ST18: variants seen among roughly 807,000 people sequenced by gnomAD.
ST18 encodes the protein ST18 C2H2C-type zinc finger transcription factor.
In ST18, 50 loss-of-function variants were observed where a neutral mutation model predicts 110.0. The observed-to-expected ratio is 0.45, with a 90% confidence interval of 0.36 to 0.58. The LOEUF (loss-of-function observed/expected upper bound fraction) is 0.58. Ranked by LOEUF, ST18 falls within the 20% of genes least tolerant of loss-of-function variation. The pLI, the probability that ST18 is intolerant of heterozygous loss-of-function variation, is 0.00. For missense variants in ST18, 1,306 were observed against 1,280.1 expected (o/e 1.02, Z -0.31); for synonymous variants, 461 against 452.4 (o/e 1.02, Z -0.24).
chr8:52,288,549 A>G (rs1254109767), intron 2 of ST18, among the ~76,000 whole-genome samples: 2 of 151,676 alleles, frequency 1.3e-5, no homozygotes, highest in African/African-American at 2.4e-5. Context: ...AAAATACAAA[A>G]ATTAGCTGGG....
intron 2 of ST18, among the ~76,000 whole-genome samples, chr8:52,235,597 C>G (rs28449838): frequency 0.018 from 2,695 of 152,270 alleles, 75 homozygotes; most frequent in African/African-American, 0.062. Flanking sequence ...ATATCCACAG[C>G]CTGTAGCAAA....
intron 7 of ST18, 92 bp downstream of exon 7, chr8:52,214,111 C>A (rs948169788): frequency 1.2e-4 from 165 of 1,364,250 alleles, no homozygotes; most frequent in Middle Eastern, 7.3e-4. Context: ...AAGTTGTAAT[C>A]ATTCTGACTG....
intron 2 of ST18, among the ~76,000 whole-genome samples, chr8:52,311,369 C>A (rs2095904299): frequency 6.6e-6 from 1 of 152,184 alleles, no homozygotes; most frequent in Non-Finnish European, 1.5e-5. Flanking sequence ...CTCCTAGCAG[C>A]TCCTAAGACC....
At chr8:52,166,767 A>G in intron 11 of ST18, 85 bp downstream of exon 11, 1 of 1,378,128 alleles carries the variant, frequency 7.3e-7, no homozygotes, top group Non-Finnish European at 9.5e-7. Flanking sequence ...TTCCATTCCT[A>G]ATTCCAAATT....
At chr8:52,380,352 G>A (rs1334359929) in intron 2 of ST18, among the ~76,000 whole-genome samples, 2 of 151,708 alleles carry the variant, frequency 1.3e-5, no homozygotes, top group Non-Finnish European at 2.9e-5. Context: ...TAATGCACAC[G>A]AAAATATGTG....
At chr8:52,353,524 C>T (rs543540970) in intron 2 of ST18, among the ~76,000 whole-genome samples, 1 of 152,202 alleles carries the variant, frequency 6.6e-6, no homozygotes, top group Non-Finnish European at 1.5e-5. Context: ...CTCTCACAGA[C>T]ACACATGAAA....
chr8:52,245,128 T>G (rs1301362011), intron 2 of ST18, among the ~76,000 whole-genome samples: 1 of 152,174 alleles, frequency 6.6e-6, no homozygotes, highest in Admixed American at 6.5e-5. Flanking sequence ...TGAAAGAAAA[T>G]GTAAAAGAGG....
At chr8:52,147,942 C>T (rs1563687393) in intron 16 of ST18, among the ~76,000 whole-genome samples, 1 of 152,214 alleles carries the variant, frequency 6.6e-6, no homozygotes, top group Non-Finnish European at 1.5e-5. Flanking sequence ...AACCTGTCCA[C>T]TTCCTGGCTT....
chr8:52,191,610 T>C (rs2074510199), intron 8 of ST18, among the ~76,000 whole-genome samples: 1 of 152,062 alleles, frequency 6.6e-6, no homozygotes, highest in South Asian at 2.1e-4. Flanking sequence ...GAAGAGTTAG[T>C]TCGTACATGG....
At chr8:52,285,614 G>C (rs570506303) in intron 2 of ST18, among the ~76,000 whole-genome samples, 39 of 152,336 alleles carry the variant, frequency 2.6e-4, no homozygotes, top group South Asian at 1.9e-3. Context: ...CTTTCAATCT[G>C]AGAGCCTGGG....
intron 16 of ST18, among the ~76,000 whole-genome samples, chr8:52,146,062 A>G (rs2057152941): frequency 6.6e-6 from 1 of 152,138 alleles, no homozygotes; most frequent in Non-Finnish European, 1.5e-5. Flanking sequence ...TAATCACTCA[A>G]TTTCTGGTTG....
chr8:52,374,887 T>C (rs1355751765), intron 2 of ST18, among the ~76,000 whole-genome samples: 1 of 152,220 alleles, frequency 6.6e-6, no homozygotes, highest in Admixed American at 6.5e-5. Flanking sequence ...GGCTGCATAG[T>C]ATTCCATCTT....
chr8:52,130,770 A>T lies in ST18; in HGVS notation c.2666+1188T>A, dbSNP rs148363088. Among the ~76,000 whole-genome samples the T allele has an allele frequency of 1.7e-3, 261 of 152,364 alleles. 1 individual carries two copies. Among genetic ancestry groups the T allele is most frequent in the Admixed American group, 0.012 (188 of 15,306 alleles). ...TAAAACTTCTTCACAAGTTTTAAAG[A>T]TAACTTCATTATTGCTAACTGAGGG... On this transcript the variant is annotated intron_variant, in intron 22 of 25. Coordinates refer to ENST00000689386, the MANE Select transcript of ST18 (RefSeq NM_001352837.2).
rs970331168 is a variant in ST18 at position 52,246,168 on chromosome 8, A to G, written c.-464-16091T>C. 2.0e-5 allele frequency among the ~76,000 whole-genome samples: 3 copies of G among 152,130 alleles called. No individual in the cohort carries two copies. The East Asian group carries it at 5.8e-4, about 29-fold the overall frequency. On this transcript the variant is annotated intron_variant, in intron 2 of 25. Transcript: ENST00000689386. ...TATCTCTTAAGATAAAATATTCAGC[A>G]ATTAACTGGGTTCAAGATTCTTTAC... is the stretch of plus-strand genomic sequence containing the variant.
At position 52,401,640 on chromosome 8, in the gene ST18, A is replaced by C. The variant is rs918594380; in HGVS notation, c.-465+7688T>G. ...TTATTCATGGAGTTATTCAGCTATA[A>C]GATTTCTGTTTGGTTAGTTTTTATG... On this transcript the variant is annotated intron_variant, in intron 2 of 25. Coordinates refer to ENST00000689386, the MANE Select transcript of ST18 (RefSeq NM_001352837.2). 4.0e-5 allele frequency among the ~76,000 whole-genome samples: 6 copies of C among 151,830 alleles called. No individual in the cohort carries two copies. In the East Asian group the frequency reaches 1.2e-3, roughly 29 times the overall value.
chr8:52,131,676 G>A (rs774180010), intron 22 of ST18, among the ~76,000 whole-genome samples: 1 of 152,170 alleles, frequency 6.6e-6, no homozygotes, highest in African/African-American at 2.4e-5. Context: ...TGACTGAACC[G>A]TTAAGAAATA....
chr8:52,251,306 T>C (rs1343214999), intron 2 of ST18, among the ~76,000 whole-genome samples: 3 of 152,170 alleles, frequency 2.0e-5, no homozygotes, highest in African/African-American at 7.2e-5. Context: ...AAAGCCTTGC[T>C]TAATATAAAC....
chr8:52,151,406 C>T (rs1003812971), intron 15 of ST18, among the ~76,000 whole-genome samples: 4 of 152,082 alleles, frequency 2.6e-5, no homozygotes, highest in Admixed American at 6.5e-5. Flanking sequence ...ATGCTTTGGC[C>T]GTATCTTTCT....
chr8:52,408,525 A>G (rs1195787619), intron 2 of ST18, among the ~76,000 whole-genome samples: 3 of 152,244 alleles, frequency 2.0e-5, no homozygotes. Flanking sequence ...AACTGGAAGA[A>G]CAATCTTGTC....
Sources: gnomAD v4.1 joint callset for allele counts (sites outside exome capture counted in the v4.1 genomes callset) on GRCh38, gnomAD v4.1.1 for gene constraint, MANE v1.5 for transcripts, NCBI Gene and HGNC (gene_info 2026-07-23, HGNC 2026-07-21) for gene names.